The following USP6NL variants were observed in gnomAD, a reference collection of about 807,000 sequenced individuals.
The protein encoded by USP6NL is USP6 N-terminal like, also known as USP6 N-terminal-like protein.
In USP6NL, 26 loss-of-function variants were observed where a neutral mutation model predicts 61.9. That is an observed-to-expected ratio of 0.42 (90% CI 0.31 to 0.58). The LOEUF is 0.58. Ranked by LOEUF, USP6NL falls within the 20% of genes least tolerant of loss-of-function variation. The probability of loss-of-function intolerance (pLI) is 0.16; values close to 1 mark genes in which losing one functional copy is unlikely to be tolerated. For synonymous variants in USP6NL, 432 were observed against 390.1 expected (o/e 1.11, Z -1.27); for missense variants, 1,114 against 1,034.3 (o/e 1.08, Z -1.06).
rs1837451561 is a variant in USP6NL at position 11,574,009 on chromosome 10, A to T, written c.4+23622T>A. On this transcript the variant is annotated intron_variant, in intron 2 of 14. Transcript: ENST00000609104. The surrounding 1 kb of genome is among the most constrained non-coding windows in gnomAD (Gnocchi z 4.3). ...AAATGTGGGTAATCTTCTGTAAATCACTAAGCAAAGTGAAAACATTTTCTC... is the reference window on the plus strand; with the variant it reads ...AAATGTGGGTAATCTTCTGTAAATCTCTAAGCAAAGTGAAAACATTTTCTC... 6.6e-6 allele frequency among the ~76,000 whole-genome samples: 1 copy of T among 152,228 alleles called. No individual in the cohort carries two copies. The highest frequency in any genetic ancestry group is 1.5e-5 in the Non-Finnish European group (1 of 68,040).
At position 11,474,405 on chromosome 10, in the gene USP6NL, G is replaced by A. The variant is rs187722814; in HGVS notation, c.1078+7365C>T. ...AGATTTGTAAGTTTTTTAGAACTAG[G>A]ACACATTTTATTTAAATTGAAATTT... On this transcript the variant is annotated intron_variant, in intron 14 of 14. Transcript: ENST00000609104. The surrounding 1 kb of genome is among the most constrained non-coding windows in gnomAD (Gnocchi z 4.9). Among the ~76,000 whole-genome samples the A allele has an allele frequency of 3.9e-5, 6 of 152,234 alleles. No individual in the cohort carries two copies. In the East Asian group the frequency reaches 7.7e-4, roughly 20 times the overall value.
intron 2 of USP6NL, among the ~76,000 whole-genome samples, chr10:11,542,209 C>T (rs779726262): frequency 2.6e-5 from 4 of 152,180 alleles, no homozygotes; most frequent in Non-Finnish European, 5.9e-5. Flanking sequence ...TTTACTGCCA[C>T]TGCACCTAGC....
rs184859061 is a variant in USP6NL at position 11,598,489 on chromosome 10, T to C, written c.-83-772A>G. On this transcript the variant is annotated intron_variant, in intron 1 of 14. Transcript: ENST00000609104. The surrounding 1 kb of genome is among the most constrained non-coding windows in gnomAD (Gnocchi z 4.7). ...ATCTTCCTTTCTTAATTACTGTATT[T>C]CTAAAATATTAATATAGGTATAAAT... is the stretch of plus-strand genomic sequence containing the variant. 3.3e-5 allele frequency among the ~76,000 whole-genome samples: 5 copies of C among 152,296 alleles called. No individual in the cohort carries two copies. Among genetic ancestry groups the C allele is most frequent in the Admixed American group, 3.3e-4 (5 of 15,304 alleles).
intron 1 of USP6NL, among the ~76,000 whole-genome samples, chr10:11,610,442 C>T (rs941538295): frequency 4.6e-5 from 7 of 152,114 alleles, no homozygotes; most frequent in African/African-American, 7.2e-5. Flanking sequence ...AAGGAACTTG[C>T]CAGAGACTCA....
intron 2 of USP6NL, chr10:11,564,920 G>A (rs1276092205): frequency 6.6e-6 from 1 of 152,196 alleles, no homozygotes; most frequent in Non-Finnish European, 1.5e-5. Flanking sequence ...GACAGTACAT[G>A]CAATCCAAAA....
intron 1 of USP6NL, among the ~76,000 whole-genome samples, chr10:11,610,278 T>C (rs1192258032): frequency 6.6e-6 from 1 of 152,188 alleles, no homozygotes; most frequent in Non-Finnish European, 1.5e-5. Context: ...AATGTTGTTA[T>C]AAAAGAATGG....
chr10:11,474,041 T>A lies in USP6NL; in HGVS notation c.1078+7729A>T, dbSNP rs1832867934. 6.6e-6 allele frequency among the ~76,000 whole-genome samples: 1 copy of A among 152,188 alleles called. No homozygotes were observed. Among genetic ancestry groups the A allele is most frequent in the African/African-American group, 2.4e-5 (1 of 41,444 alleles). ...GCGGTGCCACCCGATGGAACTCACC[T>A]GGAGTTCCAGCTCATGCTTCAGCTG... On this transcript the variant is annotated intron_variant, in intron 14 of 14. Coordinates refer to ENST00000609104, the MANE Select transcript of USP6NL (RefSeq NM_014688.5). The surrounding 1 kb of genome is among the most constrained non-coding windows in gnomAD (Gnocchi z 4.9).
At chr10:11,583,334 C>CCCG (rs1000298208) in intron 2 of USP6NL, among the ~76,000 whole-genome samples, 3 of 151,844 alleles carry the variant, frequency 2.0e-5, no homozygotes, top group East Asian at 3.9e-4. Context: ...ACTACAAGAG[C>CCCG]CCGCCACTGT....
At chr10:11,558,469 T>C (rs1455137947) in intron 2 of USP6NL, among the ~76,000 whole-genome samples, 1 of 151,150 alleles carries the variant, frequency 6.6e-6, no homozygotes, top group Non-Finnish European at 1.5e-5. Context: ...ATTCCCTGAA[T>C]GCTAATCTGG....
intron 2 of USP6NL, among the ~76,000 whole-genome samples, chr10:11,560,933 A>G (rs1836908653): frequency 6.6e-6 from 1 of 151,988 alleles, no homozygotes; most frequent in African/African-American, 2.4e-5. Context: ...TTAAAAGCAG[A>G]TACACTAATA....
At position 11,501,194 on chromosome 10, in the gene USP6NL, A is replaced by T. The variant is rs764880830; in HGVS notation, c.291T>A (p.Ile97=). 2 of 1,609,862 alleles carry T rather than the reference A, an allele frequency of 1.2e-6. No individual in the cohort carries two copies. ...YKNTEKFHRR[I]YKGIPLQLRG... is the part of the protein sequence containing the mutation. ...TGAGCTGGAGTGGTATTCCTTTGTA[A>T]ATTCGCCTATGAAACTTATTAAAAG... Residue 97 remains isoleucine (I), a synonymous_variant, in exon 7 of 15, where the codon ATT becomes ATA. Coordinates refer to ENST00000609104, the MANE Select transcript of USP6NL (RefSeq NM_014688.5).
intron 7 of USP6NL, among the ~76,000 whole-genome samples, chr10:11,494,475 G>C (rs1279953498): frequency 6.6e-6 from 1 of 152,192 alleles, no homozygotes; most frequent in South Asian, 2.1e-4. Context: ...CTCCCCGTGT[G>C]TGGCGACGAG....
At chr10:11,466,424 G>A (rs1295825438) in intron 14 of USP6NL, among the ~76,000 whole-genome samples, 1 of 152,198 alleles carries the variant, frequency 6.6e-6, no homozygotes, top group Non-Finnish European at 1.5e-5. Flanking sequence ...GAACAGCAGG[G>A]TCAACAGGAA....
At chr10:11,590,237 A>G (rs961597709) in intron 2 of USP6NL, among the ~76,000 whole-genome samples, 2 of 152,172 alleles carry the variant, frequency 1.3e-5, no homozygotes, top group African/African-American at 4.8e-5. Flanking sequence ...TATCTCCAAA[A>G]AAAAGTCACA....
rs1835373735 is a variant in USP6NL, at chr10:11,525,381, CTTACTGTAA to C, written c.151_155+4del. 6.3e-7 allele frequency: 1 copy of C among 1,593,634 alleles called. No individual in the cohort carries two copies. On this transcript the variant is annotated splice_donor_variant and splice_donor_region_variant and coding_sequence_variant and intron_variant, in exon 4 of 15. Coordinates refer to ENST00000609104, the MANE Select transcript of USP6NL (RefSeq NM_014688.5). LOFTEE classifies it high-confidence loss of function. The surrounding 1 kb of genome is among the most constrained non-coding windows in gnomAD (Gnocchi z 5.0). ...AAAAGCAAGCTTTCAATCTATGTGA[CTTACTGTAA>C]AAAGCCAAATCTATCTGTGACTTTG...
chr10:11,590,138 A>G (rs927508018), intron 2 of USP6NL, among the ~76,000 whole-genome samples: 4 of 152,212 alleles, frequency 2.6e-5, no homozygotes, highest in African/African-American at 9.6e-5. Flanking sequence ...GACTGGGATA[A>G]GGGAAGACAT....
At chr10:11,471,106 A>T (rs11257109) in intron 14 of USP6NL, among the ~76,000 whole-genome samples, 1 of 152,134 alleles carries the variant, frequency 6.6e-6, no homozygotes, top group Non-Finnish European at 1.5e-5. Flanking sequence ...AATGGCGTGA[A>T]CCCAGGAGGC....
rs949542270 is a variant in USP6NL at position 11,489,121 on chromosome 10, G to A, written c.645C>T (p.Gly215=). The A allele has an allele frequency of 1.9e-6, 3 of 1,613,718 alleles. No individual in the cohort carries two copies. Among genetic ancestry groups the A allele is most frequent in the East Asian group, 2.2e-5 (1 of 44,890 alleles). ...AFWALVKLFS[G]PKHAMHGFFV... ...TCTTACCATGCATGGCATGTTTAGG[G>A]CCTGAGAAGAGTTTGACCAGGGCCC... is the stretch of plus-strand genomic sequence containing the variant. Residue 215 remains glycine, a synonymous_variant, in exon 10 of 15, where the codon GGC becomes GGT. Transcript: ENST00000609104. The surrounding 1 kb of genome is among the most constrained non-coding windows in gnomAD (Gnocchi z 5.7).
intron 7 of USP6NL, among the ~76,000 whole-genome samples, chr10:11,497,405 C>G (rs1223219458): frequency 1.8e-5 from 2 of 110,562 alleles, no homozygotes; most frequent in Non-Finnish European, 3.6e-5. Context: ...GAGTGAGACT[C>G]AGTCTCAAAA....
Sources: allele counts gnomAD v4.1 joint callset (sites outside exome capture counted in the v4.1 genomes callset), GRCh38; gene constraint gnomAD v4.1.1; non-coding constraint Gnocchi (gnomAD v3.1); transcripts MANE v1.5; gene names NCBI Gene and HGNC (gene_info 2026-07-23, HGNC 2026-07-21).